Variants in KDM4C observed in about 807,000 individuals in gnomAD.
KDM4C encodes lysine demethylase 4C.
Under a neutral mutation model 129.3 loss-of-function variants are expected in KDM4C, and 81 were observed. The ratio of observed to expected loss-of-function variants is 0.63; its 90% CI spans 0.52 to 0.75. The LOEUF is 0.75. Ranked by LOEUF, KDM4C falls within the 30% of genes least tolerant of loss-of-function variation. The pLI is 0.00. For synonymous variants in KDM4C, 573 were observed against 456.1 expected (o/e 1.26, Z -3.26); for missense variants, 1,457 against 1,304.0 (o/e 1.12, Z -1.81).
At chr9:7,152,106 G>C (rs1842783616) in intron 19 of KDM4C, among the ~76,000 whole-genome samples, 1 of 152,218 alleles carries the variant, frequency 6.6e-6, no homozygotes, top group Non-Finnish European at 1.5e-5. Flanking sequence ...CTAGAGAAAT[G>C]AGTCTGATGT....
chr9:6,922,760 A>T (rs1437299977), intron 8 of KDM4C, among the ~76,000 whole-genome samples: 1 of 152,234 alleles, frequency 6.6e-6, no homozygotes, highest in Non-Finnish European at 1.5e-5. Context: ...ACAGAGAAAT[A>T]AACAGCCTTC....
intron 12 of KDM4C, among the ~76,000 whole-genome samples, chr9:7,005,366 C>T (rs1018136064): frequency 4.9e-5 from 7 of 143,134 alleles, no homozygotes; most frequent in South Asian, 2.4e-4. Flanking sequence ...ACCCAGGAGG[C>T]GGAGGTTTCA....
At chr9:7,087,859 A>G (rs1835319924) in intron 17 of KDM4C, among the ~76,000 whole-genome samples, 1 of 152,226 alleles carries the variant, frequency 6.6e-6, no homozygotes, top group Non-Finnish European at 1.5e-5. Context: ...TATGATGAGA[A>G]ATTTTGTGTC....
chr9:6,769,997 A>G (rs1364924073), intron 1 of KDM4C, among the ~76,000 whole-genome samples: 1 of 152,130 alleles, frequency 6.6e-6, no homozygotes, highest in Admixed American at 6.6e-5. Context: ...CCTGGCCTAC[A>G]TGAGGAAACC....
At chr9:7,015,980 T>C (rs765592993) in intron 15 of KDM4C, 51 bp downstream of exon 15, 2 of 1,286,036 alleles carry the variant, frequency 1.6e-6, no homozygotes, top group Non-Finnish European at 2.3e-6. Context: ...CCCTACCCAC[T>C]GTGGACACAT....
chr9:6,762,292 C>T (rs944434246), intron 1 of KDM4C, among the ~76,000 whole-genome samples: 1 of 151,864 alleles, frequency 6.6e-6, no homozygotes, highest in Non-Finnish European at 1.5e-5. Context: ...TGTTCCCCTC[C>T]CTGTGTCCAT....
chr9:6,734,689 G>A (rs981319460), intron 1 of KDM4C: 3 of 306,566 alleles, frequency 9.8e-6, no homozygotes, highest in African/African-American at 2.2e-5. Context: ...TCCTTTCACA[G>A]TGATTATGGC....
At chr9:6,989,102 C>T (rs1045542692) in intron 11 of KDM4C, among the ~76,000 whole-genome samples, 1 of 152,160 alleles carries the variant, frequency 6.6e-6, no homozygotes, top group African/African-American at 2.4e-5. Context: ...GTCTTCTTGG[C>T]TGTGTTATAA....
At chr9:7,039,049 G>T (rs1403764700) in intron 15 of KDM4C, among the ~76,000 whole-genome samples, 4 of 151,824 alleles carry the variant, frequency 2.6e-5, no homozygotes, top group African/African-American at 9.7e-5. Context: ...ATTTTGATAT[G>T]TATCTTTTGT....
chr9:7,101,690 T>C (rs1261811100), intron 17 of KDM4C, among the ~76,000 whole-genome samples: 1 of 152,178 alleles, frequency 6.6e-6, no homozygotes, highest in Non-Finnish European at 1.5e-5. Context: ...TTTTAGTGAG[T>C]CTCAGTTTAA....
chr9:7,009,302 CTG>C (rs1407905166), intron 12 of KDM4C, among the ~76,000 whole-genome samples: 4 of 152,198 alleles, frequency 2.6e-5, no homozygotes, highest in African/African-American at 9.7e-5. Flanking sequence ...GTCTGAATGA[CTG>C]TAGTTTGTCT....
At chr9:6,985,332 C>G (rs923017848) in intron 10 of KDM4C, among the ~76,000 whole-genome samples, 2 of 152,248 alleles carry the variant, frequency 1.3e-5, no homozygotes, top group Non-Finnish European at 2.9e-5. Context: ...AGCTGCTACT[C>G]CAGCCTCATT....
rs1426246742 is a variant in KDM4C at position 6,778,847 on chromosome 9, T to A, written c.-17-14125T>A. Among the ~76,000 whole-genome samples the A allele has an allele frequency of 2.1e-5, 3 of 146,144 alleles. No individual in the cohort carries two copies. The Admixed American group carries it at 2.1e-4, about 10-fold the overall frequency. On this transcript the variant is annotated intron_variant, in intron 1 of 21. Transcript: ENST00000381309. ...TTTTTTTTTTAATTATGAGAAGGAG[T>A]CTCATGTTCGCCCAGACTGGAGTGC...
chr9:7,046,905 C>T lies in KDM4C; in HGVS notation c.2303C>T (p.Thr768Met), dbSNP rs776521442. ...TTGAGAGGAGGTGCTCTTAAGCAAACGAAGAACAATAAGTAAGTAATACAT... is the reference window on the plus strand; with the variant it reads ...TTGAGAGGAGGTGCTCTTAAGCAAATGAAGAACAATAAGTAAGTAATACAT... ...CNLRGGALKQ[T>M]KNNKWAHVMC... Residue 768 changes from threonine (T) to methionine (M), a missense_variant, in exon 16 of 22, where the codon ACG becomes ATG. Thr to Met is a moderately conservative substitution (Grantham distance 81, BLOSUM62 -1). Transcript: ENST00000381309. The T allele has an allele frequency of 9.4e-6, 15 of 1,596,560 alleles. No homozygotes were observed. Among genetic ancestry groups the T allele is most frequent in the Non-Finnish European group, 1.2e-5 (14 of 1,164,924 alleles).
intron 8 of KDM4C, among the ~76,000 whole-genome samples, chr9:6,916,717 A>G (rs1820380988): frequency 6.6e-6 from 1 of 152,210 alleles, no homozygotes; most frequent in South Asian, 2.1e-4. Context: ...TTTTAGCAGG[A>G]TGTTTTATTT....
rs142260332 is a variant in KDM4C, at chr9:6,838,579, C to T, written c.436-10928C>T. 1.9e-3 allele frequency among the ~76,000 whole-genome samples: 285 copies of T among 152,172 alleles called. 1 individual carries two copies. The highest frequency in any genetic ancestry group is 6.4e-3 in the African/African-American group (266 of 41,530). ...CTGTCCTTTTTGTACTCATATTTGC[C>T]TTTATCTTTTTATGTGGCACTTTCA... On this transcript the variant is annotated intron_variant, in intron 4 of 21. Coordinates refer to ENST00000381309, the MANE Select transcript of KDM4C (RefSeq NM_015061.6).
At chr9:7,067,212 CTTT>C (rs1832546437) in intron 17 of KDM4C, among the ~76,000 whole-genome samples, 1 of 152,224 alleles carries the variant, frequency 6.6e-6, no homozygotes, top group Non-Finnish European at 1.5e-5. Flanking sequence ...TATTGACTCT[CTTT>C]TTCCTGTGTA....
intron 19 of KDM4C, among the ~76,000 whole-genome samples, chr9:7,148,738 A>C (rs1271444103): frequency 1.3e-5 from 2 of 152,186 alleles, no homozygotes; most frequent in Non-Finnish European, 2.9e-5. Context: ...AACACCTCTT[A>C]GTGGAGAGGA....
At chr9:7,100,299 A>G (rs999391582) in intron 17 of KDM4C, among the ~76,000 whole-genome samples, 4 of 152,180 alleles carry the variant, frequency 2.6e-5, no homozygotes, top group Admixed American at 1.3e-4. Flanking sequence ...TAGCCTACCT[A>G]ACCTACAGTA....
Sources: gnomAD v4.1 joint callset for allele counts (sites outside exome capture counted in the v4.1 genomes callset) on GRCh38, gnomAD v4.1.1 for gene constraint, MANE v1.5 for transcripts, NCBI Gene and HGNC (gene_info 2026-07-23, HGNC 2026-07-21) for gene names.